Variants in CTNNA3 observed in about 807,000 individuals in gnomAD.
The protein encoded by CTNNA3 is catenin alpha 3, also known as catenin alpha-3.
CTNNA3 carries 76 observed loss-of-function variants against 95.7 expected under a neutral mutation model. The observed-to-expected ratio is 0.79, with a 90% CI of 0.66 to 0.96. CTNNA3 has a LOEUF of 0.96. Among genes scored for constraint, CTNNA3 ranks in the 40% least tolerant of loss-of-function variants. CTNNA3 has a pLI of 0.00. For missense variants in CTNNA3, 1,191 were observed against 1,089.8 expected (o/e 1.09, Z -1.31); for synonymous variants, 431 against 374.4 (o/e 1.15, Z -1.74).
chr10:66,498,482 T>C (rs1840171528), intron 11 of CTNNA3, among the ~76,000 whole-genome samples: 1 of 152,118 alleles, frequency 6.6e-6, no homozygotes, highest in Admixed American at 6.5e-5. Flanking sequence ...CCTCTACTAT[T>C]ATGGCAATAA....
rs932405900 is a variant in CTNNA3, at chr10:66,892,589, T to C, written c.1048-117065A>G. On this transcript the variant is annotated intron_variant, in intron 7 of 17. Coordinates refer to ENST00000433211, the MANE Select transcript of CTNNA3 (RefSeq NM_013266.4). ...ATGATATTTTTCCTTCTAAACTTTT[T>C]AAAGTGAAAAAATCCAATATATTCT... 5.3e-5 allele frequency among the ~76,000 whole-genome samples: 8 copies of C among 152,186 alleles called. No individual in the cohort carries two copies. In the East Asian group the frequency reaches 1.5e-3, roughly 29 times the overall value.
At chr10:67,306,048 T>A (rs1368480236) in intron 5 of CTNNA3, among the ~76,000 whole-genome samples, 4 of 152,088 alleles carry the variant, frequency 2.6e-5, no homozygotes, top group Non-Finnish European at 5.9e-5. Context: ...GGGGTGGAAC[T>A]AGAAGTCAAA....
At chr10:65,975,567 G>A (rs540872217) in intron 16 of CTNNA3, among the ~76,000 whole-genome samples, 22 of 152,188 alleles carry the variant, frequency 1.4e-4, no homozygotes, top group African/African-American at 5.1e-4. Context: ...ATTTACAGAT[G>A]TGAAATTACC....
chr10:67,504,396 A>G (rs186421431), intron 5 of CTNNA3, among the ~76,000 whole-genome samples: 78 of 129,400 alleles, frequency 6.0e-4, no homozygotes, highest in Non-Finnish European at 1.1e-3. Context: ...AAATCGCACC[A>G]CTGCACTCCA....
intron 5 of CTNNA3, among the ~76,000 whole-genome samples, chr10:67,497,717 C>T (rs917035720): frequency 6.6e-5 from 10 of 152,086 alleles, no homozygotes; most frequent in African/African-American, 1.4e-4. Flanking sequence ...GTTTCTTGGC[C>T]GCATAAATGT....
intron 11 of CTNNA3, among the ~76,000 whole-genome samples, chr10:66,428,136 A>C (rs1476758936): frequency 6.6e-6 from 1 of 152,184 alleles, no homozygotes; most frequent in East Asian, 1.9e-4. Flanking sequence ...TAAACCAACA[A>C]AGATCAAAAG....
chr10:66,722,395 C>T (rs1047183220), intron 9 of CTNNA3, among the ~76,000 whole-genome samples: 1 of 149,672 alleles, frequency 6.7e-6, no homozygotes, highest in East Asian at 2.0e-4. Flanking sequence ...AAAAAAAATG[C>T]TAAACTGTGG....
chr10:66,044,584 G>GT (rs1292795741), intron 15 of CTNNA3, among the ~76,000 whole-genome samples: 1 of 151,856 alleles, frequency 6.6e-6, no homozygotes, highest in Admixed American at 6.6e-5. Flanking sequence ...ATTCTATGCT[G>GT]TTTTTTTGGC....
At chr10:67,430,728 AG>A (rs1361350377) in intron 5 of CTNNA3, among the ~76,000 whole-genome samples, 2 of 151,412 alleles carry the variant, frequency 1.3e-5, no homozygotes, top group Non-Finnish European at 2.9e-5. Context: ...AATGCAGCTT[AG>A]GGTCTAATGA....
At chr10:66,901,400 T>C (rs901841248) in intron 7 of CTNNA3, among the ~76,000 whole-genome samples, 2 of 152,218 alleles carry the variant, frequency 1.3e-5, no homozygotes, top group Middle Eastern at 3.4e-3. Context: ...AAGGAACAAC[T>C]GGTACCAGCC....
chr10:66,856,785 T>C (rs2132398107), intron 7 of CTNNA3, among the ~76,000 whole-genome samples: 1 of 152,220 alleles, frequency 6.6e-6, no homozygotes, highest in Non-Finnish European at 1.5e-5. Context: ...TTTAAGTTCC[T>C]TATAGATTCT....
At chr10:66,336,053 G>T (rs2092391700) in intron 12 of CTNNA3, among the ~76,000 whole-genome samples, 1 of 152,114 alleles carries the variant, frequency 6.6e-6, no homozygotes, top group African/African-American at 2.4e-5. Context: ...TAATCTCCTG[G>T]TGTGCTATTT....
intron 10 of CTNNA3, among the ~76,000 whole-genome samples, chr10:66,565,084 T>G (rs1372945132): frequency 6.6e-6 from 1 of 152,162 alleles, no homozygotes; most frequent in African/African-American, 2.4e-5. Flanking sequence ...AAACAATAAT[T>G]GAAATATTTC....
chr10:65,944,614 A>G (rs2077481040), intron 17 of CTNNA3, among the ~76,000 whole-genome samples: 1 of 152,222 alleles, frequency 6.6e-6, no homozygotes, highest in Admixed American at 6.5e-5. Flanking sequence ...GGGAAACCAA[A>G]GCATTCACTC....
chr10:67,647,380 G>T, intron 2 of CTNNA3, 35 bp downstream of exon 2: 2 of 1,428,152 alleles, frequency 1.4e-6, no homozygotes, highest in Non-Finnish European at 9.7e-7. Flanking sequence ...TTCTTCTGCA[G>T]TTACTATATA....
intron 2 of CTNNA3, among the ~76,000 whole-genome samples, chr10:67,640,082 C>T (rs769919893): frequency 6.6e-6 from 1 of 152,212 alleles, no homozygotes; most frequent in Non-Finnish European, 1.5e-5. Context: ...TTGCAGATGG[C>T]ATGATTGTAT....
chr10:67,250,392 T>G (rs949942070), intron 5 of CTNNA3, among the ~76,000 whole-genome samples: 1 of 152,092 alleles, frequency 6.6e-6, no homozygotes, highest in Non-Finnish European at 1.5e-5. Flanking sequence ...ATTTTTTGTA[T>G]TTTTAGTAGA....
intron 5 of CTNNA3, among the ~76,000 whole-genome samples, chr10:67,361,268 C>T (rs1435747578): frequency 6.6e-6 from 1 of 152,078 alleles, no homozygotes; most frequent in East Asian, 1.9e-4. Flanking sequence ...GACACTTGAC[C>T]AACTGGATCT....
chr10:67,439,601 C>A (rs922886287), intron 5 of CTNNA3, among the ~76,000 whole-genome samples: 1 of 152,142 alleles, frequency 6.6e-6, no homozygotes, highest in African/African-American at 2.4e-5. Context: ...TCCCACTAGG[C>A]CCCCCACCTC....
Sources: gnomAD v4.1 joint callset for allele counts (sites outside exome capture counted in the v4.1 genomes callset) on GRCh38, gnomAD v4.1.1 for gene constraint, MANE v1.5 for transcripts, NCBI Gene and HGNC (gene_info 2026-07-23, HGNC 2026-07-21) for gene names.